The following CNTNAP5 variants were observed in gnomAD, a reference collection of about 807,000 sequenced individuals.
CNTNAP5 encodes contactin associated protein family member 5.
CNTNAP5 carries 72 observed loss-of-function variants against 150.2 expected under a neutral mutation model. That is an observed-to-expected ratio of 0.48 (90% CI 0.40 to 0.58). The LOEUF is 0.58. Among genes scored for constraint, CNTNAP5 ranks in the 20% least tolerant of loss-of-function variants. CNTNAP5 has a pLI of 0.00. For missense variants in CNTNAP5, 1,636 were observed against 1,626.2 expected (o/e 1.01, Z -0.10); for synonymous variants, 672 against 619.8 (o/e 1.08, Z -1.25).
intron 3 of CNTNAP5, among the ~76,000 whole-genome samples, chr2:124,271,709 T>TATC (rs1228487261): frequency 1.7e-4 from 24 of 138,154 alleles, no homozygotes; most frequent in Non-Finnish European, 3.5e-4. Flanking sequence ...ATCATCTATC[T>TATC]ATCTATCTAT....
intron 12 of CNTNAP5, among the ~76,000 whole-genome samples, chr2:124,622,995 A>G (rs1432521827): frequency 1.3e-5 from 2 of 152,188 alleles, no homozygotes; most frequent in African/African-American, 2.4e-5. Context: ...TGAGGCTAGT[A>G]AGTACTAGAA....
chr2:124,463,880 C>A (rs563584048), intron 6 of CNTNAP5, among the ~76,000 whole-genome samples: 1 of 152,144 alleles, frequency 6.6e-6, no homozygotes, highest in Non-Finnish European at 1.5e-5. Flanking sequence ...AATTCCAGCT[C>A]TTTACCTTGT....
At chr2:124,191,266 G>C (rs1685451006) in intron 1 of CNTNAP5, among the ~76,000 whole-genome samples, 1 of 152,110 alleles carries the variant, frequency 6.6e-6, no homozygotes, top group Non-Finnish European at 1.5e-5. Flanking sequence ...TTTTGGTGTG[G>C]GATGTTTGGA....
At chr2:124,896,982 G>T (rs983149247) in intron 21 of CNTNAP5, among the ~76,000 whole-genome samples, 1 of 151,524 alleles carries the variant, frequency 6.6e-6, no homozygotes, top group South Asian at 2.1e-4. Flanking sequence ...TAAAGGTTTT[G>T]TTTTGTGCCT....
At chr2:124,031,668 A>T (rs1681055130) in intron 1 of CNTNAP5, among the ~76,000 whole-genome samples, 1 of 152,146 alleles carries the variant, frequency 6.6e-6, no homozygotes, top group Non-Finnish European at 1.5e-5. Flanking sequence ...TTCAGTATCA[A>T]GTTGGAGCCA....
At chr2:124,477,206 C>G (rs1319645037) in intron 7 of CNTNAP5, among the ~76,000 whole-genome samples, 1 of 152,086 alleles carries the variant, frequency 6.6e-6, no homozygotes, top group Non-Finnish European at 1.5e-5. Context: ...GTCACCCTGT[C>G]ATTGACAGCA....
At chr2:124,101,592 T>C (rs1215388166) in intron 1 of CNTNAP5, among the ~76,000 whole-genome samples, 1 of 152,182 alleles carries the variant, frequency 6.6e-6, no homozygotes, top group Non-Finnish European at 1.5e-5. Context: ...ACACATGACT[T>C]GGCCCAGAGG....
At chr2:124,558,198 C>T (rs1300526183) in intron 10 of CNTNAP5, among the ~76,000 whole-genome samples, 1 of 152,086 alleles carries the variant, frequency 6.6e-6, no homozygotes, top group Non-Finnish European at 1.5e-5. Context: ...ATGCTTGCAT[C>T]TCAGACTAGA....
At position 124,914,626 on chromosome 2, in the gene CNTNAP5, C is replaced by T. The variant is rs1258868484; in HGVS notation, c.*338C>T. 3 of 183,468 alleles carry T rather than the reference C, an allele frequency of 1.6e-5. No individual in the cohort carries two copies. The highest frequency in any genetic ancestry group is 7.1e-5 in the African/African-American group (3 of 42,392). 11.4% of individuals were successfully genotyped at this position (183,468 alleles called of 1,614,324 possible). A position where few individuals can be genotyped will look rare whatever the true frequency, so the allele number is the denominator to read the frequency against. Reference sequence around the variant, plus strand: ...TAAAATGCACTGTTCAGTTTTCCAACCACTTGGTGGTTCAGGCTTGCTTTG... The same window carrying T: ...TAAAATGCACTGTTCAGTTTTCCAATCACTTGGTGGTTCAGGCTTGCTTTG... On this transcript the variant is annotated 3_prime_UTR_variant, in exon 24 of 24. Transcript: ENST00000682447.
chr2:124,081,262 C>T (rs1172685141), intron 1 of CNTNAP5, among the ~76,000 whole-genome samples: 4 of 152,064 alleles, frequency 2.6e-5, no homozygotes, highest in South Asian at 2.1e-4. Flanking sequence ...ATTAGAACCA[C>T]CCTTTGGGAA....
intron 19 of CNTNAP5, among the ~76,000 whole-genome samples, chr2:124,810,912 A>G (rs1682202421): frequency 6.6e-6 from 1 of 152,148 alleles, no homozygotes. Flanking sequence ...AAACCAGGAT[A>G]GCCCCCCGAT....
chr2:124,554,700 G>C (rs536349910), intron 10 of CNTNAP5, among the ~76,000 whole-genome samples: 6 of 152,116 alleles, frequency 3.9e-5, no homozygotes, highest in Non-Finnish European at 7.4e-5. Context: ...GAGATCACAA[G>C]GGTGAGCCAC....
rs550171688 is a variant in CNTNAP5 at position 124,855,374 on chromosome 2, C to A, written c.3218-9932C>A. On this transcript the variant is annotated intron_variant, in intron 19 of 23. Coordinates refer to ENST00000682447, the MANE Select transcript of CNTNAP5 (RefSeq NM_001367498.1). ...TATATTTTCAGTAGAGGCAGGGTTT[C>A]GCCATGTTGGTCAGGCTCGAACTCC... 2.0e-5 allele frequency among the ~76,000 whole-genome samples: 3 copies of A among 151,974 alleles called. No individual in the cohort carries two copies. The East Asian group carries it at 5.9e-4, about 30-fold the overall frequency.
Position 124,876,957 on chromosome 2 carries a change from A to G in CNTNAP5, c.3436+7195A>G, listed in dbSNP as rs143500457. Among the ~76,000 whole-genome samples, 668 of 152,178 alleles carry G rather than the reference A, an allele frequency of 4.4e-3. 4 individuals are homozygous for G. Among genetic ancestry groups the G allele is most frequent in the African/African-American group, 0.015 (622 of 41,538 alleles). On this transcript the variant is annotated intron_variant, in intron 21 of 23. Coordinates refer to ENST00000682447, the MANE Select transcript of CNTNAP5 (RefSeq NM_001367498.1). ...TGTCAGTAATCATCCTAACTTCCCA[A>G]ACACGCATGTCTTATATTTTCTACT...
intron 1 of CNTNAP5, among the ~76,000 whole-genome samples, chr2:124,220,116 A>G (rs1686265884): frequency 6.6e-6 from 1 of 152,028 alleles, no homozygotes; most frequent in Admixed American, 6.6e-5. Flanking sequence ...TTGCTGAATA[A>G]ATAAGCTTAA....
chr2:124,095,850 T>C (rs1459787365), intron 1 of CNTNAP5, among the ~76,000 whole-genome samples: 1 of 152,240 alleles, frequency 6.6e-6, no homozygotes, highest in African/African-American at 2.4e-5. Context: ...ATTTTCATGC[T>C]TTATTTTAAT....
intron 3 of CNTNAP5, among the ~76,000 whole-genome samples, chr2:124,384,417 A>T (rs1400995902): frequency 6.6e-6 from 1 of 152,202 alleles, no homozygotes; most frequent in African/African-American, 2.4e-5. Flanking sequence ...GAGGTTTTTT[A>T]AAAAAGCTCC....
chr2:124,860,055 TA>T (rs879847789), intron 19 of CNTNAP5, among the ~76,000 whole-genome samples: 178 of 142,334 alleles, frequency 1.3e-3, no homozygotes, highest in East Asian at 3.7e-3. Flanking sequence ...ACTTAAAGTA[TA>T]AAAAAAAAAA....
At position 124,206,789 on chromosome 2, in the gene CNTNAP5, C is replaced by T. The variant is rs142252878; in HGVS notation, c.83-14916C>T. 6.4e-4 allele frequency among the ~76,000 whole-genome samples: 98 copies of T among 152,226 alleles called. 1 individual carries two copies. In the East Asian group the frequency reaches 0.016, roughly 26 times the overall value. On this transcript the variant is annotated intron_variant, in intron 1 of 23. Transcript: ENST00000682447. ...AGGGAGTACCCTAGAAAATCAAAAG[C>T]TGTTTCCTGGGTGAGTAATAGGGGA... is the stretch of plus-strand genomic sequence containing the variant.
Sources: allele counts gnomAD v4.1 joint callset (sites outside exome capture counted in the v4.1 genomes callset), GRCh38; gene constraint gnomAD v4.1.1; transcripts MANE v1.5; gene names NCBI Gene and HGNC (gene_info 2026-07-23, HGNC 2026-07-21).